NKD2: variants seen among roughly 807,000 people sequenced by gnomAD.
The protein encoded by NKD2 is protein naked cuticle homolog 2.
NKD2 carries 43 observed loss-of-function variants against 34.8 expected under a neutral mutation model. The observed-to-expected ratio is 1.24, with a 90% CI of 0.97 to 1.60. NKD2 has a LOEUF of 1.60. Ranked by LOEUF, NKD2 falls within the 40% of genes most tolerant of loss-of-function variation. NKD2 has a pLI of 0.00. For missense variants in NKD2, 675 were observed against 627.1 expected (o/e 1.08, Z -0.82); for synonymous variants, 278 against 265.1 (o/e 1.05, Z -0.47).
rs940638049 is a variant in NKD2, at chr5:1,028,392, G to A, written c.142-3760G>A. Reference sequence around the variant, plus strand: ...GTTCTGGTCCCGGAGGCCTCCGTGGGTTGGGGTCAGACCCTCCTCCCAAAT... The same window carrying A: ...GTTCTGGTCCCGGAGGCCTCCGTGGATTGGGGTCAGACCCTCCTCCCAAAT... On this transcript the variant is annotated intron_variant, in intron 3 of 9. Transcript: ENST00000296849. 3.3e-5 allele frequency among the ~76,000 whole-genome samples: 5 copies of A among 152,344 alleles called. No homozygotes were observed. In the South Asian group the frequency reaches 6.2e-4, roughly 19 times the overall value.
At chr5:1,033,119 G>A (rs1013974158) in intron 4 of NKD2, among the ~76,000 whole-genome samples, 1 of 152,204 alleles carries the variant, frequency 6.6e-6, no homozygotes, top group African/African-American at 2.4e-5. Flanking sequence ...GGAGTCTGCT[G>A]CACCCCCAGC....
At chr5:1,012,511 A>AG (rs966876226) in intron 3 of NKD2, among the ~76,000 whole-genome samples, 1 of 152,216 alleles carries the variant, frequency 6.6e-6, no homozygotes, top group African/African-American at 2.4e-5. Context: ...GTTTCCTGGA[A>AG]GGGAGCCAGG....
chr5:1,038,147 C>A lies in NKD2; in HGVS notation c.1130C>A (p.Pro377Gln). 6.3e-7 allele frequency: 1 copy of A among 1,586,244 alleles called. No individual in the cohort carries two copies. The highest frequency in any genetic ancestry group is 2.3e-5 in the East Asian group (1 of 43,718). ...QDGHHLPQPPPPPYGHKRYRQ... is the reference protein window; with the variant it reads ...QDGHHLPQPPQPPYGHKRYRQ... The stretch of plus-strand genomic sequence containing the variant: ...GGCCACCACCTCCCGCAGCCCCCAC[C>A]GCCACCCTACGGCCACAAGCGGTAC... The change falls in exon 10 of 10, where the codon CCG becomes CAG. Residue 377 changes from proline (P) to glutamine (Q), a missense_variant. Transcript: ENST00000296849. The surrounding 1 kb of genome is among the most constrained non-coding windows in gnomAD (Gnocchi z 4.5).
rs553928693 is a variant in NKD2 at position 1,009,560 on chromosome 5, G to C, written c.141G>C (p.Gln47His). The C allele has an allele frequency of 1.4e-5, 21 of 1,479,232 alleles. No individual in the cohort carries two copies. The African/African-American group carries it at 2.9e-4, about 21-fold the overall frequency. The allele number at this position is 1,479,232 out of a possible 1,614,324, so 91.6% of individuals were successfully genotyped here. ...EEAERRARDKQELPNGDPKEG... is the reference protein window; with the variant it reads ...EEAERRARDKHELPNGDPKEG... Reference sequence around the variant, plus strand: ...CGGAGCGGCGCGCGCGGGACAAGCAGGTAGGCGGCGGGGCGGAGGCTGGGG... The same window carrying C: ...CGGAGCGGCGCGCGCGGGACAAGCACGTAGGCGGCGGGGCGGAGGCTGGGG... Residue 47 changes from glutamine (Q) to histidine (H), a missense_variant and splice_region_variant, in exon 3 of 10, where the codon CAG (glutamine) becomes CAC (histidine). Physicochemically the swap from Gln to His is conservative, Grantham distance 24. Transcript: ENST00000296849. This position sits in a 1 kb window ranked among gnomAD's most constrained non-coding sequence, Gnocchi z 6.9.
intron 9 of NKD2, chr5:1,036,808 G>A (rs1369239914): frequency 2.2e-6 from 1 of 458,204 alleles, no homozygotes; most frequent in East Asian, 6.9e-5. Flanking sequence ...AACAGGCAGT[G>A]TGGACGGCAG....
chr5:1,011,303 G>A (rs1415175991), intron 3 of NKD2, among the ~76,000 whole-genome samples: 2 of 152,202 alleles, frequency 1.3e-5, no homozygotes, highest in Non-Finnish European at 2.9e-5. Flanking sequence ...GGGCCCAGGT[G>A]CGCCCTCACC....
At position 1,009,052 on chromosome 5, in the gene NKD2, G is replaced by A. The variant is rs1414911629; in HGVS notation, c.-6G>A. 4.5e-6 allele frequency: 2 copies of A among 443,864 alleles called. No individual in the cohort carries two copies. Among genetic ancestry groups the A allele is most frequent in the Non-Finnish European group, 7.9e-6 (2 of 252,644 alleles). The allele number at this position is 443,864 out of a possible 1,614,324, so 27.5% of individuals were successfully genotyped here. On this transcript the variant is annotated 5_prime_UTR_variant, in exon 1 of 10. Coordinates refer to ENST00000296849, the MANE Select transcript of NKD2 (RefSeq NM_033120.4). This position sits in a 1 kb window ranked among gnomAD's most constrained non-coding sequence, Gnocchi z 6.9. ...GCGCGGGGCCCGGCGGGGCGTGGCG[G>A]CGGCGATGGGGAAACTGCAGTCGAA...
rs899812388 is a variant in NKD2, at chr5:1,015,366, G to A, written c.141+5806G>A. ...GGAAGCCTCTGGCCTCCTGGCTGCT[G>A]TTCTTGAGTTGGCAAAGCCACACTT... On this transcript the variant is annotated intron_variant, in intron 3 of 9. Coordinates refer to ENST00000296849, the MANE Select transcript of NKD2 (RefSeq NM_033120.4). 2.0e-5 allele frequency among the ~76,000 whole-genome samples: 3 copies of A among 152,330 alleles called. No individual in the cohort carries two copies. The East Asian group carries it at 5.8e-4, about 29-fold the overall frequency.
chr5:1,026,908 G>C (rs1756436852), intron 3 of NKD2, among the ~76,000 whole-genome samples: 1 of 152,248 alleles, frequency 6.6e-6, no homozygotes, highest in South Asian at 2.1e-4. Context: ...CTCACCACTT[G>C]GCATCCTGCC....
At chr5:1,033,989 G>A (rs1286241743) in intron 5 of NKD2, 2 of 575,656 alleles carry the variant, frequency 3.5e-6, no homozygotes, top group African/African-American at 3.8e-5. Flanking sequence ...GCTGAGATAG[G>A]TGTCACTGTG....
intron 3 of NKD2, among the ~76,000 whole-genome samples, chr5:1,020,863 CAG>C (rs1756150215): frequency 6.6e-6 from 1 of 152,020 alleles, no homozygotes; most frequent in Admixed American, 6.5e-5. Flanking sequence ...ACCCTCGTGG[CAG>C]GGGTGGGCAC....
chr5:1,022,838 G>A (rs1291571532), intron 3 of NKD2, among the ~76,000 whole-genome samples: 1 of 4,448 alleles, frequency 2.2e-4, no homozygotes, highest in Non-Finnish European at 0.024. Flanking sequence ...CGCTGTGGGC[G>A]TCTCAGCCCG....
intron 3 of NKD2, among the ~76,000 whole-genome samples, chr5:1,019,255 C>T (rs1295268977): frequency 6.6e-6 from 1 of 152,214 alleles, no homozygotes; most frequent in Non-Finnish European, 1.5e-5. Context: ...GAGCTCATCC[C>T]GAGAACCCTG....
chr5:1,038,569 C>T lies in NKD2; in HGVS notation c.*196C>T, dbSNP rs1364361751. ...TGGACACGTGGACAAGGCCCAGGCG[C>T]CCTCTGCTCTTCTGCCCTCGATGCC... On this transcript the variant is annotated 3_prime_UTR_variant, in exon 10 of 10. Transcript: ENST00000296849. The surrounding 1 kb of genome is among the most constrained non-coding windows in gnomAD (Gnocchi z 4.5). The T allele has an allele frequency of 8.8e-7, 1 of 1,134,522 alleles. No homozygotes were observed. Among genetic ancestry groups the T allele is most frequent in the Non-Finnish European group, 1.3e-6 (1 of 782,740 alleles). The allele number at this position is 1,134,522 out of a possible 1,614,324, so 70.3% of individuals were successfully genotyped here.
intron 3 of NKD2, among the ~76,000 whole-genome samples, chr5:1,027,845 G>T (rs1196500434): frequency 6.6e-6 from 1 of 152,234 alleles, no homozygotes; most frequent in Admixed American, 6.5e-5. Flanking sequence ...GACATCGCCC[G>T]CTCCAGGTGG....
At chr5:1,022,542 T>TA (rs776104003) in intron 3 of NKD2, among the ~76,000 whole-genome samples, 1 of 16,096 alleles carries the variant, frequency 6.2e-5, no homozygotes, top group African/African-American at 7.3e-5. Flanking sequence ...TCCCACCCGC[T>TA]GTGGGCGTCT....
At position 1,036,610 on chromosome 5, in the gene NKD2, G is replaced by A. The variant is rs563748157; in HGVS notation, c.787+226G>A. On this transcript the variant is annotated intron_variant, in intron 9 of 9. Transcript: ENST00000296849. ...TGTTGGTGCCGCCTGAAAGCAAGGC[G>A]GGCGTCCCGTCCAGGTGTGTGTATG... Among the ~76,000 whole-genome samples the A allele has an allele frequency of 1.5e-4, 23 of 151,992 alleles. No homozygotes were observed. The East Asian group carries it at 2.3e-3, about 15-fold the overall frequency.
intron 3 of NKD2, among the ~76,000 whole-genome samples, chr5:1,028,367 G>A (rs1236807213): frequency 6.6e-6 from 1 of 152,228 alleles, no homozygotes; most frequent in Non-Finnish European, 1.5e-5. Context: ...GAGGCTATGG[G>A]TTCTGGTCCC....
intron 3 of NKD2, among the ~76,000 whole-genome samples, chr5:1,016,196 G>A (rs1755946017): frequency 6.6e-6 from 1 of 152,266 alleles, no homozygotes; most frequent in Admixed American, 6.5e-5. Flanking sequence ...TCTGGACTGC[G>A]AAGCCTGGAC....
Sources: allele counts gnomAD v4.1 joint callset (sites outside exome capture counted in the v4.1 genomes callset), GRCh38; gene constraint gnomAD v4.1.1; non-coding constraint Gnocchi (gnomAD v3.1); transcripts MANE v1.5; gene names NCBI Gene and HGNC (gene_info 2026-07-23, HGNC 2026-07-21).